Variants in DNM3 observed in about 807,000 individuals in gnomAD.
The protein encoded by DNM3 is dynamin 3.
DNM3 carries 47 observed loss-of-function variants against 101.6 expected under a neutral mutation model. The ratio of observed to expected loss-of-function variants is 0.46; its 90% confidence interval spans 0.37 to 0.59. DNM3 has a LOEUF of 0.59. Among genes scored for constraint, DNM3 ranks in the 20% least tolerant of loss-of-function variants. The pLI, the probability that DNM3 is intolerant of heterozygous loss-of-function variation, is 0.00. For missense variants in DNM3, 849 were observed against 1,085.7 expected (o/e 0.78, Z 3.06); for synonymous variants, 385 against 387.9 (o/e 0.99, Z 0.09).
At chr1:172,279,234 C>G (rs2063398425) in intron 15 of DNM3, among the ~76,000 whole-genome samples, 1 of 152,078 alleles carries the variant, frequency 6.6e-6, no homozygotes, top group African/African-American at 2.4e-5. Flanking sequence ...TTGAAATACA[C>G]AAACTTTAGA....
At chr1:172,121,396 A>T (rs2056310965) in intron 13 of DNM3, among the ~76,000 whole-genome samples, 1 of 152,262 alleles carries the variant, frequency 6.6e-6, no homozygotes, top group Non-Finnish European at 1.5e-5. Context: ...CAATAAGAAG[A>T]GAAAAACATC....
chr1:172,155,340 A>G (rs975317814), intron 14 of DNM3, among the ~76,000 whole-genome samples: 6 of 151,990 alleles, frequency 3.9e-5, no homozygotes, highest in Non-Finnish European at 7.4e-5. Flanking sequence ...GGAAGATCAT[A>G]ACATTAAATT....
At chr1:172,143,110 A>T (rs1254988022) in intron 14 of DNM3, among the ~76,000 whole-genome samples, 1 of 152,118 alleles carries the variant, frequency 6.6e-6, no homozygotes, top group Non-Finnish European at 1.5e-5. Context: ...TCAGAAGGGT[A>T]ATTTTTAAAG....
At chr1:172,045,286 T>C (rs1420181390) in intron 9 of DNM3, among the ~76,000 whole-genome samples, 1 of 152,176 alleles carries the variant, frequency 6.6e-6, no homozygotes, top group South Asian at 2.1e-4. Flanking sequence ...ACAGACTGGG[T>C]GGCTTATAAA....
chr1:172,181,973 T>G (rs1321967821), intron 14 of DNM3, among the ~76,000 whole-genome samples: 1 of 152,116 alleles, frequency 6.6e-6, no homozygotes, highest in Non-Finnish European at 1.5e-5. Flanking sequence ...CATGTCTGTT[T>G]TTGGTGGGTG....
At chr1:172,316,900 C>T (rs2065394071) in intron 16 of DNM3, among the ~76,000 whole-genome samples, 2 of 152,188 alleles carry the variant, frequency 1.3e-5, no homozygotes, top group Non-Finnish European at 2.9e-5. Flanking sequence ...TAATAGACAT[C>T]TACAGAACTC....
intron 14 of DNM3, among the ~76,000 whole-genome samples, chr1:172,226,890 G>C (rs2061143765): frequency 6.6e-6 from 1 of 151,940 alleles, no homozygotes; most frequent in Admixed American, 6.6e-5. Flanking sequence ...GACACATTTT[G>C]TTTCATTTAA....
At chr1:171,986,633 CT>C (rs367716705) in intron 2 of DNM3, among the ~76,000 whole-genome samples, 2,597 of 137,284 alleles carry the variant, frequency 0.019, 41 homozygotes, top group African/African-American at 0.051. Flanking sequence ...CCACATCTGG[CT>C]TTTTTTTTTT....
In DNM3 at chr1:172,222,397, TCCCCTGG is replaced by T. The variant is rs549753206; in HGVS notation, c.1660-31175_1660-31169del. 9.9e-5 allele frequency among the ~76,000 whole-genome samples: 15 copies of T among 152,208 alleles called. 1 individual carries two copies. The highest frequency in any genetic ancestry group is 9.8e-4 in the Admixed American group (15 of 15,268). On this transcript the variant is annotated intron_variant, in intron 14 of 20. Coordinates refer to ENST00000627582, the MANE Select transcript of DNM3 (RefSeq NM_015569.5). ...TTGGAACACTGGTTAAAAACACAGA[TCCCCTGG>T]GGCTTTGCCCCTGGAAAGGAAAGGG...
chr1:172,130,341 C>A (rs907926449), intron 13 of DNM3, among the ~76,000 whole-genome samples: 15 of 151,958 alleles, frequency 9.9e-5, no homozygotes, highest in Admixed American at 8.5e-4. Context: ...GTAAATGATG[C>A]CCTCTGGATA....
chr1:172,164,110 T>G (rs2058659921), intron 14 of DNM3, among the ~76,000 whole-genome samples: 1 of 152,030 alleles, frequency 6.6e-6, no homozygotes, highest in Non-Finnish European at 1.5e-5. Context: ...CTGAGCTTTT[T>G]CAAATAAGAA....
chr1:172,374,859 C>T (rs1230840721), intron 17 of DNM3, among the ~76,000 whole-genome samples: 1 of 151,994 alleles, frequency 6.6e-6, no homozygotes, highest in African/African-American at 2.4e-5. Context: ...TGTTTCATAC[C>T]TTTGTCCATC....
intron 14 of DNM3, among the ~76,000 whole-genome samples, chr1:172,201,844 G>C (rs2060164939): frequency 6.6e-6 from 1 of 152,140 alleles, no homozygotes; most frequent in African/African-American, 2.4e-5. Context: ...GGAGATATGG[G>C]AACGGACACC....
downstream of DNM3, among the ~76,000 whole-genome samples, chr1:172,416,914 G>C (rs2071448159): frequency 6.6e-6 from 1 of 152,136 alleles, no homozygotes; most frequent in Non-Finnish European, 1.5e-5. Context: ...CATTTAAATG[G>C]ATGGGAGGCC....
At chr1:172,057,165 G>T (rs1012808059) in intron 10 of DNM3, among the ~76,000 whole-genome samples, 1 of 152,022 alleles carries the variant, frequency 6.6e-6, no homozygotes. Flanking sequence ...AAAGAAACGA[G>T]CAAAGCCTCC....
chr1:172,105,392 G>T (rs1458967089), intron 13 of DNM3, among the ~76,000 whole-genome samples: 1 of 152,182 alleles, frequency 6.6e-6, no homozygotes, highest in Non-Finnish European at 1.5e-5. Flanking sequence ...CAATGGATAA[G>T]TGGCAGAATT....
chr1:172,039,038 T>C (rs531025882), intron 7 of DNM3, among the ~76,000 whole-genome samples: 1 of 152,272 alleles, frequency 6.6e-6, no homozygotes, highest in South Asian at 2.1e-4. Flanking sequence ...CTTCCCATCT[T>C]ATCTTTGGGT....
intron 17 of DNM3, among the ~76,000 whole-genome samples, chr1:172,368,910 C>A (rs1344696886): frequency 6.6e-6 from 1 of 151,810 alleles, no homozygotes; most frequent in Non-Finnish European, 1.5e-5. Context: ...TGGGCACATA[C>A]AAGCTACCAA....
At chr1:172,040,816 A>G (rs1399552538) in intron 7 of DNM3, among the ~76,000 whole-genome samples, 1 of 151,532 alleles carries the variant, frequency 6.6e-6, no homozygotes, top group African/African-American at 2.4e-5. Context: ...CAAAGCAGCA[A>G]GGGACAGAGA....
Sources: allele counts gnomAD v4.1 joint callset (sites outside exome capture counted in the v4.1 genomes callset), GRCh38; gene constraint gnomAD v4.1.1; transcripts MANE v1.5; gene names NCBI Gene and HGNC (gene_info 2026-07-23, HGNC 2026-07-21).